Variants in LIMS2 observed in about 807,000 individuals in gnomAD.
The protein encoded by LIMS2 is LIM zinc finger domain containing 2.
Under a neutral mutation model 45.3 loss-of-function variants are expected in LIMS2, and 30 were observed. That is an observed-to-expected ratio of 0.66 (90% CI 0.50 to 0.90). LIMS2 has a LOEUF of 0.90. LIMS2 is among the 40% of genes least tolerant of loss of function. The pLI, the probability that LIMS2 is intolerant of heterozygous loss-of-function variation, is 0.00. For missense variants in LIMS2, 485 were observed against 468.7 expected, an observed-to-expected ratio of 1.03 and a Z score of -0.32; for synonymous variants, 173 against 188.0, an observed-to-expected ratio of 0.92 and a Z score of 0.65.
intron 4 of LIMS2, chr2:127,646,125 A>C (rs1682949058): frequency 6.6e-6 from 1 of 152,182 alleles, no homozygotes. Context: ...TCCTCTCCTT[A>C]AATAGCCAGC....
In LIMS2 at chr2:127,642,788, C is replaced by G; in HGVS notation, c.509+135G>C. The G allele has an allele frequency of 1.0e-6, 1 of 984,146 alleles. No individual in the cohort carries two copies. The highest frequency in any genetic ancestry group is 1.6e-5 in the South Asian group (1 of 60,670). 61.0% of individuals were successfully genotyped at this position (984,146 alleles called of 1,614,324 possible). ...CACCTCTGCCCTGCAGCCTTGCTCT[C>G]GGGACCCCTCTGTCTGCCCACCCTG... On this transcript the variant is annotated intron_variant, in intron 5 of 9. Transcript: ENST00000355119. This position sits in a 1 kb window ranked among gnomAD's most constrained non-coding sequence, Gnocchi z 5.3.
At chr2:127,644,625 C>A (rs1215814571) in intron 4 of LIMS2, among the ~76,000 whole-genome samples, 1 of 152,244 alleles carries the variant, frequency 6.6e-6, no homozygotes, top group Non-Finnish European at 1.5e-5. Context: ...CAGGACAACA[C>A]TCAACCCACG....
At chr2:127,648,991 G>GGGGGGAGGGGAGGGAGA (rs1457959172) in intron 4 of LIMS2, among the ~76,000 whole-genome samples, 4 of 26,130 alleles carry the variant, frequency 1.5e-4, no homozygotes, top group African/African-American at 5.7e-4. Context: ...GGGGAGGGGA[G>GGGGGGAGGGGAGGGAGA]GGAGGGGAGG....
chr2:127,664,431 G>T lies in LIMS2; in HGVS notation c.12-6869C>A. 1 of 1,191,286 alleles carries T rather than the reference G, an allele frequency of 8.4e-7. No homozygotes were observed. The highest frequency in any genetic ancestry group is 4.2e-5 in the South Asian group (1 of 23,664). 73.8% of individuals were successfully genotyped at this position (1,191,286 alleles called of 1,614,324 possible). ...TTGAGGTCGCGGGCGCGGGCCGCCT[G>T]GTGCAGGGGCTATGGGACCACCTCG... On this transcript the variant is annotated intron_variant, in intron 1 of 9. Coordinates refer to ENST00000355119, the MANE Select transcript of LIMS2 (RefSeq NM_001161403.3). The surrounding 1 kb of genome is among the most constrained non-coding windows in gnomAD (Gnocchi z 5.5).
rs370024589 is a variant in LIMS2 at position 127,654,822 on chromosome 2, G to T, written c.238+8C>A. 6.2e-7 allele frequency: 1 copy of T among 1,613,836 alleles called. No individual in the cohort carries two copies. Among genetic ancestry groups the T allele is most frequent in the Non-Finnish European group, 8.5e-7 (1 of 1,179,892 alleles). ...GCAGCCCAGGATGTGTACTGTCACCGGCCTTACCGCAGGATCCACAGCACG... is the reference window on the plus strand; with the variant it reads ...GCAGCCCAGGATGTGTACTGTCACCTGCCTTACCGCAGGATCCACAGCACG... On this transcript the variant is annotated splice_region_variant and intron_variant, in intron 3 of 9. Transcript: ENST00000355119.
chr2:127,672,184 T>A lies in LIMS2; in HGVS notation c.11+2830A>T, dbSNP rs1427148015. Among the ~76,000 whole-genome samples the A allele has an allele frequency of 1.3e-5, 2 of 152,186 alleles. No homozygotes were observed. Among genetic ancestry groups the A allele is most frequent in the East Asian group, 1.9e-4 (1 of 5,186 alleles). ...ACATCCCAGGCTCCATTTCCAGGAA[T>A]GCCAGGGACAGCTGGGTCCCTAGGT... On this transcript the variant is annotated intron_variant, in intron 1 of 9. Coordinates refer to ENST00000355119, the MANE Select transcript of LIMS2 (RefSeq NM_001161403.3). This position sits in a 1 kb window ranked among gnomAD's most constrained non-coding sequence, Gnocchi z 4.9.
Position 127,653,306 on chromosome 2 carries a change from C to A in LIMS2, c.359+1118G>T, listed in dbSNP as rs1017129989. Among the ~76,000 whole-genome samples the A allele has an allele frequency of 1.3e-5, 2 of 152,164 alleles. No homozygotes were observed. Among genetic ancestry groups the A allele is most frequent in the Non-Finnish European group, 2.9e-5 (2 of 68,026 alleles). ...TGGGGCCTCTGGGGGTCGGCGCTGCCTCTCACTGATACAGGGGACGCATGC... is the reference window on the plus strand; with the variant it reads ...TGGGGCCTCTGGGGGTCGGCGCTGCATCTCACTGATACAGGGGACGCATGC... On this transcript the variant is annotated intron_variant, in intron 4 of 9. Transcript: ENST00000355119. This position sits in a 1 kb window ranked among gnomAD's most constrained non-coding sequence, Gnocchi z 5.3.
At position 127,664,473 on chromosome 2, in the gene LIMS2, G is replaced by T. The variant is rs1475161931; in HGVS notation, c.12-6911C>A. ...ACCACCTCGGAGGGGAGGCGCGGCC[G>T]CCTGGGGCCAGACACCAAGACGGGA... On this transcript the variant is annotated intron_variant, in intron 1 of 9. Transcript: ENST00000355119. This position sits in a 1 kb window ranked among gnomAD's most constrained non-coding sequence, Gnocchi z 5.5. The T allele has an allele frequency of 5.9e-6, 7 of 1,178,654 alleles. No homozygotes were observed. The highest frequency in any genetic ancestry group is 7.3e-6 in the Non-Finnish European group (7 of 954,028). 73.0% of individuals were successfully genotyped at this position (1,178,654 alleles called of 1,614,324 possible). A position where few individuals can be genotyped will look rare whatever the true frequency, so the allele number is the denominator to read the frequency against.
intron 1 of LIMS2, among the ~76,000 whole-genome samples, chr2:127,669,654 G>A (rs929646737): frequency 6.6e-6 from 1 of 151,986 alleles, no homozygotes; most frequent in African/African-American, 2.4e-5. Context: ...GGAGGCGGAG[G>A]TTGCAGTGAG....
intron 1 of LIMS2, among the ~76,000 whole-genome samples, chr2:127,668,690 A>C (rs1439918072): frequency 2.1e-4 from 28 of 133,270 alleles, no homozygotes; most frequent in Non-Finnish European, 3.6e-4. Context: ...AAAAAAAAAA[A>C]AAAAAAAAAA....
chr2:127,657,304 C>A, intron 2 of LIMS2, 99 bp downstream of exon 2: 1 of 1,433,832 alleles, frequency 7.0e-7, no homozygotes. Context: ...CAGACCTGGC[C>A]CTGTCACCAG....
intron 6 of LIMS2, chr2:127,641,472 A>AGGGCTGG (rs1285229668): frequency 8.3e-4 from 145 of 175,256 alleles, no homozygotes; most frequent in African/African-American, 2.9e-3. Context: ...TGTGAGGATG[A>AGGGCTGG]GGGCTGGGGG....
chr2:127,641,373 C>T (rs1021295288), intron 6 of LIMS2: 2 of 215,200 alleles, frequency 9.3e-6, no homozygotes, highest in Non-Finnish European at 1.9e-5. Flanking sequence ...GCAGAGGCGG[C>T]CCTGCCTGTC....
At chr2:127,644,621 AAC>A (rs1258069986) in intron 4 of LIMS2, among the ~76,000 whole-genome samples, 1 of 152,248 alleles carries the variant, frequency 6.6e-6, no homozygotes, top group Non-Finnish European at 1.5e-5. Flanking sequence ...GCGTCAGGAC[AAC>A]ACTCAACCCA....
intron 4 of LIMS2, 96 bp downstream of exon 4, chr2:127,654,328 T>C (rs1684087421): frequency 6.4e-7 from 1 of 1,553,400 alleles, no homozygotes; most frequent in Admixed American, 1.7e-5. Flanking sequence ...GGGACCCTTC[T>C]GCGCCCTCAG....
chr2:127,677,616 C>T (rs184212717), upstream of LIMS2, among the ~76,000 whole-genome samples: 79 of 151,934 alleles, frequency 5.2e-4, no homozygotes, highest in African/African-American at 1.3e-3. This position sits in a 1 kb window ranked among gnomAD's most constrained non-coding sequence, Gnocchi z 5.0. Context: ...TGGAGGGGCA[C>T]GGGAAATAAA....
chr2:127,651,103 C>A (rs902189141), intron 4 of LIMS2: 2 of 1,613,552 alleles, frequency 1.2e-6, no homozygotes, highest in Admixed American at 1.7e-5. Flanking sequence ...TACTTCCTCA[C>A]CTGCATCAGC....
rs938460664 is a variant in LIMS2 at position 127,663,503 on chromosome 2, C to T, written c.12-5941G>A. Among the ~76,000 whole-genome samples, 6 of 152,338 alleles carry T rather than the reference C, an allele frequency of 3.9e-5. No homozygotes were observed. The South Asian group carries it at 6.2e-4, about 16-fold the overall frequency. Reference sequence around the variant, plus strand: ...CTAATTGCCACTCTGGGAGCCTTCCCTGACCACACACAAGGAGCTGAGAGT... The same window carrying T: ...CTAATTGCCACTCTGGGAGCCTTCCTTGACCACACACAAGGAGCTGAGAGT... On this transcript the variant is annotated intron_variant, in intron 1 of 9. Coordinates refer to ENST00000355119, the MANE Select transcript of LIMS2 (RefSeq NM_001161403.3).
At chr2:127,674,917 C>G (rs565899257) in intron 1 of LIMS2, 97 bp downstream of exon 1, 1 of 1,221,026 alleles carries the variant, frequency 8.2e-7, no homozygotes, top group Non-Finnish European at 1.0e-6. Flanking sequence ...GAGCGGGGAT[C>G]GTGGCGCCGC....
Sources: gnomAD v4.1 joint callset for allele counts (sites outside exome capture counted in the v4.1 genomes callset) on GRCh38, gnomAD v4.1.1 for gene constraint, Gnocchi (gnomAD v3.1) non-coding constraint, MANE v1.5 for transcripts, NCBI Gene and HGNC (gene_info 2026-07-23, HGNC 2026-07-21) for gene names.